The following PIGK variants were observed in gnomAD, a reference collection of about 807,000 sequenced individuals.
PIGK encodes the protein phosphatidylinositol glycan anchor biosynthesis class K, also known as GPI-anchor transamidase.
In PIGK, 42 loss-of-function variants were observed where a neutral mutation model predicts 50.6. That is an observed-to-expected ratio of 0.83 (90% CI 0.65 to 1.07). The LOEUF (loss-of-function observed/expected upper bound fraction) is 1.07. Among genes scored for constraint, PIGK ranks in the 50% least tolerant of loss-of-function variants. PIGK has a pLI of 0.00. For missense variants in PIGK, 448 were observed against 488.7 expected (o/e 0.92, Z 0.78); for synonymous variants, 151 against 156.0 (o/e 0.97, Z 0.24).
intron 10 of PIGK, among the ~76,000 whole-genome samples, chr1:77,097,899 C>T (rs1653455438): frequency 6.6e-6 from 1 of 150,802 alleles, no homozygotes; most frequent in Admixed American, 6.6e-5. Flanking sequence ...CTATGAATAC[C>T]CATAACATGA....
chr1:77,188,301 G>A (rs1422286196), intron 3 of PIGK, among the ~76,000 whole-genome samples: 1 of 152,152 alleles, frequency 6.6e-6, no homozygotes, highest in Non-Finnish European at 1.5e-5. Context: ...AAGAGAATAT[G>A]TGCCTGGAGG....
In PIGK at chr1:77,090,832, C is replaced by T. The variant is rs1488911238; in HGVS notation, c.*1542G>A. The T allele has an allele frequency of 6.6e-6, 1 of 152,094 alleles. No homozygotes were observed. The highest frequency in any genetic ancestry group is 1.9e-4 in the East Asian group (1 of 5,196). The allele number at this position is 152,094 out of a possible 1,614,324, so 9.4% of individuals were successfully genotyped here. On this transcript the variant is annotated 3_prime_UTR_variant, in exon 11 of 11. Coordinates refer to ENST00000370812, the MANE Select transcript of PIGK (RefSeq NM_005482.3). ...AAATTTTTCTTCCTCATTTATATAA[C>T]ACATCAATAAAAAGATCAATTAAAA...
chr1:77,159,890 T>C (rs1655096648), intron 8 of PIGK, among the ~76,000 whole-genome samples: 1 of 152,164 alleles, frequency 6.6e-6, no homozygotes, highest in South Asian at 2.1e-4. Context: ...GAGTTAATGA[T>C]GAAATGAGTT....
chr1:77,159,739 C>A (rs112035812), intron 8 of PIGK, among the ~76,000 whole-genome samples: 5 of 152,340 alleles, frequency 3.3e-5, no homozygotes, highest in African/African-American at 1.2e-4. Flanking sequence ...TGGCCAATTT[C>A]TCCCAAGTGG....
rs571574885 is a variant in PIGK, at chr1:77,197,584, C to T, written c.239+9056G>A. ...AATGCAGCCACTCATGTTCTCGTCA[C>T]ATATATGCTTTGTATTACTTCTTTG... is the stretch of plus-strand genomic sequence containing the variant. On this transcript the variant is annotated intron_variant, in intron 3 of 10. Transcript: ENST00000370812. Among the ~76,000 whole-genome samples the T allele has an allele frequency of 5.9e-5, 9 of 152,298 alleles. No individual in the cohort carries two copies. The East Asian group carries it at 1.7e-3, about 29-fold the overall frequency.
intron 9 of PIGK, among the ~76,000 whole-genome samples, chr1:77,139,331 T>TA (rs950473225): frequency 6.6e-6 from 1 of 151,326 alleles, no homozygotes; most frequent in African/African-American, 2.4e-5. Context: ...TGCTACTAGA[T>TA]AAAAAGACCA....
intron 3 of PIGK, among the ~76,000 whole-genome samples, chr1:77,184,447 G>C: frequency 6.6e-6 from 1 of 152,146 alleles, no homozygotes; most frequent in East Asian, 1.9e-4. Flanking sequence ...CTTATGCAGT[G>C]AATCTTTCTC....
intron 3 of PIGK, among the ~76,000 whole-genome samples, chr1:77,203,727 G>A (rs763290740): frequency 2.0e-5 from 3 of 152,140 alleles, no homozygotes; most frequent in Non-Finnish European, 4.4e-5. Context: ...AGATTTCATG[G>A]ACATTTATTA....
At chr1:77,172,146 A>T (rs1024493249) in intron 3 of PIGK, among the ~76,000 whole-genome samples, 4 of 147,112 alleles carry the variant, frequency 2.7e-5, no homozygotes, top group Admixed American at 7.0e-5. Flanking sequence ...TAAGGACTCC[A>T]TACTTCCATA....
At chr1:77,172,634 C>T (rs954341789) in intron 3 of PIGK, among the ~76,000 whole-genome samples, 1 of 152,000 alleles carries the variant, frequency 6.6e-6, no homozygotes, top group Admixed American at 6.6e-5. Flanking sequence ...TTTAAAAATT[C>T]GCAGGGGCCA....
intron 3 of PIGK, chr1:77,195,256 T>C: frequency 1.5e-6 from 2 of 1,297,066 alleles, no homozygotes; most frequent in African/African-American, 1.5e-5. Flanking sequence ...TGTGGAGACC[T>C]TGGGGCCCAG....
chr1:77,172,980 T>C (rs1655402305), intron 3 of PIGK, among the ~76,000 whole-genome samples: 1 of 152,198 alleles, frequency 6.6e-6, no homozygotes, highest in African/African-American at 2.4e-5. Context: ...TACCCCTTTG[T>C]TTCATTTTTC....
At chr1:77,150,352 C>A (rs1654867725) in intron 9 of PIGK, among the ~76,000 whole-genome samples, 1 of 151,354 alleles carries the variant, frequency 6.6e-6, no homozygotes, top group Admixed American at 6.6e-5. Context: ...ACCCCCATCT[C>A]TACAAAAAAT....
intron 9 of PIGK, chr1:77,129,780 T>C: frequency 1.8e-6 from 1 of 540,874 alleles, no homozygotes; most frequent in Non-Finnish European, 2.9e-6. Context: ...GCCCAACCTA[T>C]ACATTAGAAT....
chr1:77,093,643 C>T (rs1040472883), intron 10 of PIGK, among the ~76,000 whole-genome samples: 4 of 152,046 alleles, frequency 2.6e-5, no homozygotes, highest in Admixed American at 6.6e-5. Context: ...GACCTACCAA[C>T]GTTTAAAGTG....
intron 3 of PIGK, among the ~76,000 whole-genome samples, chr1:77,187,031 C>T (rs1655765487): frequency 6.6e-6 from 1 of 152,194 alleles, no homozygotes; most frequent in South Asian, 2.1e-4. Flanking sequence ...TCACAAATGC[C>T]TTATCCACCG....
chr1:77,140,977 A>G (rs1298896304), intron 9 of PIGK, among the ~76,000 whole-genome samples: 1 of 152,214 alleles, frequency 6.6e-6, no homozygotes. Context: ...AAAGTACCAA[A>G]GATTGCTATA....
In PIGK at chr1:77,203,219, T is replaced by C. The variant is rs867599980; in HGVS notation, c.239+3421A>G. ...ACTTTCAGGAGTGATTGTGGCTCAA[T>C]GTTTGCTTCACATACTAACCTTAGA... On this transcript the variant is annotated intron_variant, in intron 3 of 10. Transcript: ENST00000370812. Among the ~76,000 whole-genome samples the C allele has an allele frequency of 2.8e-4, 42 of 152,326 alleles. No homozygotes were observed. In the Middle Eastern group the frequency reaches 0.014, roughly 49 times the overall value.
chr1:77,218,136 C>T (rs1383633810), intron 1 of PIGK, among the ~76,000 whole-genome samples: 1 of 151,814 alleles, frequency 6.6e-6, no homozygotes, highest in African/African-American at 2.4e-5. Flanking sequence ...CTCAAGGTGC[C>T]CAGGTGGTGG....
Sources: allele counts gnomAD v4.1 joint callset (sites outside exome capture counted in the v4.1 genomes callset), GRCh38; gene constraint gnomAD v4.1.1; transcripts MANE v1.5; gene names NCBI Gene and HGNC (gene_info 2026-07-23, HGNC 2026-07-21).